Variants in PRPF8 observed in about 807,000 individuals in gnomAD.
PRPF8 encodes pre-mRNA processing factor 8, also known as pre-mRNA-processing-splicing factor 8.
A neutral mutation model predicts 285.9 loss-of-function variants in PRPF8; 64 were observed. That is an observed-to-expected ratio of 0.22 (90% CI 0.18 to 0.28). PRPF8 has a LOEUF of 0.28. Among genes scored for constraint, PRPF8 ranks in the 10% least tolerant of loss-of-function variants. The pLI is 1.00. For synonymous variants in PRPF8, 1,325 were observed against 1,118.2 expected (o/e 1.18, Z -3.69); for missense variants, 1,426 against 3,026.7 (o/e 0.47, Z 12.41).
chr17:1,658,457 C>G lies in PRPF8; in HGVS notation c.5376+69G>C. 5 of 1,613,986 alleles carry G rather than the reference C, an allele frequency of 3.1e-6. No homozygotes were observed. In the South Asian group the frequency reaches 5.5e-5, roughly 18 times the overall value. On this transcript the variant is annotated intron_variant, in intron 33 of 42. Coordinates refer to ENST00000304992, the MANE Select transcript of PRPF8 (RefSeq NM_006445.4). The surrounding 1 kb of genome is among the most constrained non-coding windows in gnomAD (Gnocchi z 4.1). The stretch of plus-strand genomic sequence containing the variant: ...CTGCCTTCTTCCCAGCATGTGTACA[C>G]ACTTAGCCCATTACTCTCCCACAGC...
chr17:1,675,054 T>A lies in PRPF8; in HGVS notation c.3060+98A>T. The A allele has an allele frequency of 7.0e-7, 1 of 1,429,706 alleles. No homozygotes were observed. Among genetic ancestry groups the A allele is most frequent in the Non-Finnish European group, 9.7e-7 (1 of 1,026,570 alleles). The allele number at this position is 1,429,706 out of a possible 1,614,324, so 88.6% of individuals were successfully genotyped here. On this transcript the variant is annotated intron_variant, in intron 20 of 42. Coordinates refer to ENST00000304992, the MANE Select transcript of PRPF8 (RefSeq NM_006445.4). This position sits in a 1 kb window ranked among gnomAD's most constrained non-coding sequence, Gnocchi z 6.0. Reference sequence around the variant, plus strand: ...TCCCAAAGTGCTGGGATTACAGGCATGAGCCACCGCACCCAGCCTCCTCCT... The same window carrying A: ...TCCCAAAGTGCTGGGATTACAGGCAAGAGCCACCGCACCCAGCCTCCTCCT...
chr17:1,650,901 C>T lies in PRPF8; in HGVS notation c.6909G>A (p.Glu2303=). 1 of 1,614,196 alleles carries T rather than the reference C, an allele frequency of 6.2e-7. No individual in the cohort carries two copies. The highest frequency in any genetic ancestry group is 8.5e-7 in the Non-Finnish European group (1 of 1,180,030). Residue 2303 remains glutamate, a synonymous_variant, in exon 43 of 43, where the codon GAG becomes GAA. Transcript: ENST00000304992. ...KYELQLANPK[E]FYHEVHRPSH... is the part of the protein sequence containing the mutation. The stretch of plus-strand genomic sequence containing the variant: ...AGGGCCTGTGCACCTCGTGGTAGAA[C>T]TCTTTGGGGTTCGCCAGCTGTAGCT...
chr17:1,655,790 C>CCCCAAGAG (rs1911347574), intron 36 of PRPF8, among the ~76,000 whole-genome samples: 1 of 151,940 alleles, frequency 6.6e-6, no homozygotes, highest in Non-Finnish European at 1.5e-5. Context: ...CCACGCCCGG[C>CCCCAAGAG]TAATTTTTTG....
intron 14 of PRPF8, 70 bp from the exon 15 acceptor site, chr17:1,677,242 T>G: frequency 7.1e-7 from 1 of 1,401,658 alleles, no homozygotes; most frequent in Non-Finnish European, 1.0e-6. Flanking sequence ...TCTACCTTCA[T>G]GCTCCTCACT....
At position 1,659,272 on chromosome 17, in the gene PRPF8, C is replaced by T. The variant is rs1329332721; in HGVS notation, c.5138+85G>A. The T allele has an allele frequency of 4.1e-6, 6 of 1,470,806 alleles. No individual in the cohort carries two copies. The Admixed American group carries it at 6.7e-5, about 17-fold the overall frequency. 91.1% of individuals were successfully genotyped at this position (1,470,806 alleles called of 1,614,324 possible). A position where few individuals can be genotyped will look rare whatever the true frequency, so the allele number is the denominator to read the frequency against. On this transcript the variant is annotated intron_variant, in intron 32 of 42. Coordinates refer to ENST00000304992, the MANE Select transcript of PRPF8 (RefSeq NM_006445.4). The surrounding 1 kb of genome is among the most constrained non-coding windows in gnomAD (Gnocchi z 5.1). ...AACTCCTGAGCTCAGACAATCTGCC[C>T]ACCGCGGCCTCCCAAAGTGCTGGGA...
At position 1,675,348 on chromosome 17, in the gene PRPF8, T is replaced by C; in HGVS notation, c.2873-9A>G. On this transcript the variant is annotated splice_polypyrimidine_tract_variant and intron_variant, in intron 19 of 42. Coordinates refer to ENST00000304992, the MANE Select transcript of PRPF8 (RefSeq NM_006445.4). This position sits in a 1 kb window ranked among gnomAD's most constrained non-coding sequence, Gnocchi z 6.0. ...CTGCAGGTTATTGATGCCTGAGGAG[T>C]AGCAAGGCAGGTCTCCAGCAGGTTA... is the stretch of plus-strand genomic sequence containing the variant. 1.9e-6 allele frequency: 3 copies of C among 1,613,772 alleles called. No homozygotes were observed. The highest frequency in any genetic ancestry group is 1.7e-5 in the Admixed American group (1 of 59,970).
At chr17:1,655,784 G>A (rs1401746969) in intron 36 of PRPF8, among the ~76,000 whole-genome samples, 3 of 150,970 alleles carry the variant, frequency 2.0e-5, no homozygotes, top group Admixed American at 1.3e-4. Context: ...CTGCCACCAC[G>A]CCCGGCTAAT....
Position 1,653,535 on chromosome 17 carries a change from T to A in PRPF8, c.6369+7A>T, listed in dbSNP as rs1911194577. ...ACACTGTGGCCTAGCTGAGTCCACT[T>A]ACTCACTTGGGCCCGAAGGTCAGAT... On this transcript the variant is annotated splice_region_variant and intron_variant, in intron 39 of 42. Transcript: ENST00000304992. The surrounding 1 kb of genome is among the most constrained non-coding windows in gnomAD (Gnocchi z 4.9). 1 of 1,614,090 alleles carries A rather than the reference T, an allele frequency of 6.2e-7. No individual in the cohort carries two copies. Among genetic ancestry groups the A allele is most frequent in the African/African-American group, 1.3e-5 (1 of 74,940 alleles).
chr17:1,670,209 G>T (rs1597240400), intron 24 of PRPF8, among the ~76,000 whole-genome samples: 1 of 152,254 alleles, frequency 6.6e-6, no homozygotes, highest in East Asian at 1.9e-4. Flanking sequence ...ATAAATACCT[G>T]GGGAAATCTC....
chr17:1,656,885 G>A (rs558916057), intron 34 of PRPF8, 124 bp from the exon 35 acceptor site: 99 of 920,736 alleles, frequency 1.1e-4, no homozygotes, highest in South Asian at 8.5e-4. Context: ...TTAAATGTTA[G>A]GCACTTAGAA....
intron 20 of PRPF8, among the ~76,000 whole-genome samples, 153 bp from the exon 21 acceptor site, chr17:1,674,833 G>A (rs1460826421): frequency 2.0e-5 from 3 of 152,048 alleles, no homozygotes; most frequent in African/African-American, 7.3e-5. Flanking sequence ...GTGCACTGGC[G>A]CAATCTCAGC....
intron 13 of PRPF8, 118 bp from the exon 14 acceptor site, chr17:1,677,812 G>A (rs1303774835): frequency 3.0e-6 from 4 of 1,321,906 alleles, no homozygotes; most frequent in East Asian, 2.3e-5. Flanking sequence ...TGTAGGTATG[G>A]CAGTAGAGGG....
intron 24 of PRPF8, among the ~76,000 whole-genome samples, chr17:1,667,112 G>A (rs1023583443): frequency 4.6e-5 from 7 of 152,042 alleles, no homozygotes; most frequent in Admixed American, 6.6e-5. Context: ...GGCGGGGGTC[G>A]CAGTGAGCTG....
chr17:1,659,169 G>A lies in PRPF8; in HGVS notation c.5138+188C>T, dbSNP rs1451109317. The A allele has an allele frequency of 2.8e-6, 2 of 707,534 alleles. No individual in the cohort carries two copies. The highest frequency in any genetic ancestry group is 5.0e-6 in the Non-Finnish European group (2 of 401,962). 43.8% of individuals were successfully genotyped at this position (707,534 alleles called of 1,614,324 possible). A position where few individuals can be genotyped will look rare whatever the true frequency, so the allele number is the denominator to read the frequency against. ...ACCTTCTGAGTAGCTGGGACTACAG[G>A]CGTGGACCACCACGCCCAGCTAATT... On this transcript the variant is annotated intron_variant, in intron 32 of 42. Transcript: ENST00000304992. The surrounding 1 kb of genome is among the most constrained non-coding windows in gnomAD (Gnocchi z 5.1).
chr17:1,684,246 T>C (rs1362812917), intron 2 of PRPF8, among the ~76,000 whole-genome samples: 1 of 152,188 alleles, frequency 6.6e-6, no homozygotes, highest in Non-Finnish European at 1.5e-5. Context: ...CGCTGTAATT[T>C]AAACCCCGTA....
intron 24 of PRPF8, among the ~76,000 whole-genome samples, chr17:1,665,040 A>T (rs560831967): frequency 6.6e-6 from 1 of 151,556 alleles, no homozygotes; most frequent in African/African-American, 2.4e-5. Context: ...GGCACCTGTA[A>T]TCCCAGCTAC....
chr17:1,658,899 G>A lies in PRPF8; in HGVS notation c.5139-136C>T. 2.5e-6 allele frequency: 2 copies of A among 804,552 alleles called. No homozygotes were observed. Among genetic ancestry groups the A allele is most frequent in the East Asian group, 2.6e-5 (1 of 38,040 alleles). 49.8% of individuals were successfully genotyped at this position (804,552 alleles called of 1,614,324 possible). On this transcript the variant is annotated intron_variant, in intron 32 of 42. Transcript: ENST00000304992. The surrounding 1 kb of genome is among the most constrained non-coding windows in gnomAD (Gnocchi z 4.1). ...CTCTGCTCATGTGTACATACAGGCT[G>A]GAGAAGAGAATCAGTGACCCATAGG...
intron 24 of PRPF8, among the ~76,000 whole-genome samples, chr17:1,671,695 C>T (rs1912327729): frequency 6.6e-6 from 1 of 151,586 alleles, no homozygotes; most frequent in South Asian, 2.1e-4. Context: ...ACCAAAAATA[C>T]AAAAACTTAG....
Position 1,679,165 on chromosome 17 carries a change from G to T in PRPF8, c.1451C>A (p.Ser484Tyr). 6.2e-7 allele frequency: 1 copy of T among 1,614,220 alleles called. No individual in the cohort carries two copies. The highest frequency in any genetic ancestry group is 1.1e-5 in the South Asian group (1 of 91,090). The change falls in exon 11 of 43, where the codon TCC becomes TAC. Residue 484 changes from serine (S) to tyrosine (Y), a missense_variant. Physicochemically the swap from Ser to Tyr is moderately radical, Grantham distance 144 (BLOSUM62 -2). Coordinates refer to ENST00000304992, the MANE Select transcript of PRPF8 (RefSeq NM_006445.4). The surrounding 1 kb of genome is among the most constrained non-coding windows in gnomAD (Gnocchi z 4.7). ...AACCTCCACCCAGTCCAGCTTTGTG[G>T]ACTGAAAGAATTTGGTGGCTTTGAA... The part of the protein sequence containing the change: ...RSFKATKFFQ[S>Y]TKLDWVEVGL...
Sources: allele counts gnomAD v4.1 joint callset (sites outside exome capture counted in the v4.1 genomes callset), GRCh38; gene constraint gnomAD v4.1.1; non-coding constraint Gnocchi (gnomAD v3.1); transcripts MANE v1.5; gene names NCBI Gene and HGNC (gene_info 2026-07-23, HGNC 2026-07-21).